The following CHST11 variants were observed in gnomAD, a reference collection of about 807,000 sequenced individuals.
The protein encoded by CHST11 is carbohydrate sulfotransferase 11.
A neutral mutation model predicts 30.4 loss-of-function variants in CHST11; 9 were observed. The observed-to-expected ratio is 0.30, with a 90% CI of 0.18 to 0.52. CHST11 has a LOEUF of 0.52. CHST11 is among the 20% of genes least tolerant of loss of function. The probability of loss-of-function intolerance (pLI) is 0.97; values close to 1 mark genes in which losing one functional copy is unlikely to be tolerated. For synonymous variants in CHST11, 152 were observed against 187.8 expected (o/e 0.81, Z 1.56); for missense variants, 348 against 460.6 (o/e 0.76, Z 2.24).
At chr12:104,488,227 G>A (rs1194660677) in intron 1 of CHST11, among the ~76,000 whole-genome samples, 1 of 152,148 alleles carries the variant, frequency 6.6e-6, no homozygotes, top group East Asian at 1.9e-4. Flanking sequence ...TTCAAAGGAC[G>A]GAGAAAGATG....
intron 2 of CHST11, among the ~76,000 whole-genome samples, chr12:104,690,318 T>G (rs2039885937): frequency 6.6e-6 from 1 of 152,264 alleles, no homozygotes. Flanking sequence ...TCTCTGGGTC[T>G]CTGTGCATTC....
chr12:104,523,060 T>G (rs1348527453), intron 1 of CHST11, among the ~76,000 whole-genome samples: 1 of 152,208 alleles, frequency 6.6e-6, no homozygotes, highest in Non-Finnish European at 1.5e-5. Flanking sequence ...TAATTAGAAA[T>G]GGAGAATTTG....
intron 2 of CHST11, among the ~76,000 whole-genome samples, chr12:104,737,856 G>A (rs910205679): frequency 6.6e-6 from 1 of 152,098 alleles, no homozygotes; most frequent in African/African-American, 2.4e-5. Context: ...GGAGGGCGAG[G>A]CTGTCCCCTG....
At chr12:104,538,622 C>A (rs1220102463) in intron 1 of CHST11, among the ~76,000 whole-genome samples, 1 of 152,204 alleles carries the variant, frequency 6.6e-6, no homozygotes, top group Admixed American at 6.5e-5. Context: ...TTAAAATCCA[C>A]TTCATTTCTT....
In CHST11 at chr12:104,567,950, T is replaced by C. The variant is rs535262883; in HGVS notation, c.119-33956T>C. On this transcript the variant is annotated intron_variant, in intron 1 of 2. Coordinates refer to ENST00000303694, the MANE Select transcript of CHST11 (RefSeq NM_018413.6). The stretch of plus-strand genomic sequence containing the variant: ...ATCTGCTATTGCTTTGATCTTGGAC[T>C]TCCCAGCCTCCAGAACTGTGAGCAA... 3.9e-5 allele frequency among the ~76,000 whole-genome samples: 6 copies of C among 152,336 alleles called. No homozygotes were observed. The South Asian group carries it at 1.2e-3, about 32-fold the overall frequency.
intron 1 of CHST11, among the ~76,000 whole-genome samples, chr12:104,476,133 A>T (rs935557818): frequency 6.9e-6 from 1 of 144,632 alleles, no homozygotes; most frequent in Non-Finnish European, 1.5e-5. Context: ...ATAATATAAT[A>T]TATTATATAT....
At chr12:104,559,987 G>T (rs1380163811) in intron 1 of CHST11, among the ~76,000 whole-genome samples, 1 of 152,188 alleles carries the variant, frequency 6.6e-6, no homozygotes, top group African/African-American at 2.4e-5. Flanking sequence ...TCCCTGAAGG[G>T]TGGCTTTTGA....
chr12:104,457,927 T>C (rs997295878), intron 1 of CHST11, among the ~76,000 whole-genome samples: 1 of 151,922 alleles, frequency 6.6e-6, no homozygotes, highest in African/African-American at 2.4e-5. Context: ...CCCTCCCTGC[T>C]GCTGCCGAGG....
chr12:104,517,559 C>T (rs1474273961), intron 1 of CHST11, among the ~76,000 whole-genome samples: 2 of 152,130 alleles, frequency 1.3e-5, no homozygotes, highest in Non-Finnish European at 2.9e-5. Context: ...ATAGGCCTGG[C>T]CTGGGGTCTG....
chr12:104,553,606 A>AGAGAGAGAGAGAGAGAGAG (rs2038427604), intron 1 of CHST11, among the ~76,000 whole-genome samples: 1 of 147,628 alleles, frequency 6.8e-6, no homozygotes, highest in African/African-American at 2.5e-5. Flanking sequence ...AGAGAGTGAG[A>AGAGAGAGAGAGAGAGAGAG]ACTAGGAGGG....
intron 2 of CHST11, among the ~76,000 whole-genome samples, chr12:104,687,173 G>A (rs1174918069): frequency 1.3e-5 from 2 of 152,256 alleles, no homozygotes; most frequent in Non-Finnish European, 2.9e-5. Context: ...GTTGCACTGG[G>A]CAGTCAGCAG....
intron 2 of CHST11, among the ~76,000 whole-genome samples, chr12:104,689,191 G>C (rs1184342114): frequency 6.6e-6 from 1 of 152,192 alleles, no homozygotes; most frequent in African/African-American, 2.4e-5. Context: ...TAAGGATTAG[G>C]AAAAGAAATT....
chr12:104,524,328 G>A (rs1290586307), intron 1 of CHST11, among the ~76,000 whole-genome samples: 2 of 152,150 alleles, frequency 1.3e-5, no homozygotes, highest in African/African-American at 2.4e-5. Flanking sequence ...TTGGGAAGGC[G>A]ATAGTTCAGT....
At chr12:104,679,059 A>G (rs953806596) in intron 2 of CHST11, among the ~76,000 whole-genome samples, 5 of 152,188 alleles carry the variant, frequency 3.3e-5, no homozygotes, top group East Asian at 3.9e-4. Flanking sequence ...TACTCAGTAG[A>G]CATTAGCTGA....
intron 1 of CHST11, chr12:104,553,075 C>G (rs1376263369): frequency 6.6e-6 from 1 of 152,208 alleles, no homozygotes; most frequent in African/African-American, 2.4e-5. Context: ...TCGCTTGTGC[C>G]TCAGTTTTCT....
intron 2 of CHST11, among the ~76,000 whole-genome samples, chr12:104,740,204 ATCCCACGT>A (rs2040335713): frequency 6.6e-6 from 1 of 152,212 alleles, no homozygotes; most frequent in East Asian, 1.9e-4. Context: ...AGGGGGACCT[ATCCCACGT>A]TCCCTATTCT....
chr12:104,710,334 G>T (rs1354587242), intron 2 of CHST11, among the ~76,000 whole-genome samples: 1 of 152,268 alleles, frequency 6.6e-6, no homozygotes, highest in Non-Finnish European at 1.5e-5. Flanking sequence ...GTGGTCTTCA[G>T]TTGGTGCTGG....
chr12:104,624,070 G>T (rs1253912175), intron 2 of CHST11, among the ~76,000 whole-genome samples: 2 of 152,282 alleles, frequency 1.3e-5, no homozygotes, highest in East Asian at 3.9e-4. Flanking sequence ...AAGGTATGTG[G>T]AAAATGAATT....
intron 2 of CHST11, among the ~76,000 whole-genome samples, chr12:104,652,001 C>T (rs898274788): frequency 6.6e-6 from 1 of 152,092 alleles, no homozygotes; most frequent in African/African-American, 2.4e-5. Flanking sequence ...GGCTGGGTGA[C>T]GTTAGACAAG....
Sources: allele counts gnomAD v4.1 joint callset (sites outside exome capture counted in the v4.1 genomes callset), GRCh38; gene constraint gnomAD v4.1.1; transcripts MANE v1.5; gene names NCBI Gene and HGNC (gene_info 2026-07-23, HGNC 2026-07-21).